Variants in GRB14 observed in about 807,000 individuals in gnomAD.
GRB14 encodes growth factor receptor bound protein 14, also known as growth factor receptor-bound protein 14.
GRB14 carries 38 observed loss-of-function variants against 69.1 expected under a neutral mutation model. That is an observed-to-expected ratio of 0.55 (90% CI 0.42 to 0.72). The LOEUF is 0.72. Among genes scored for constraint, GRB14 ranks in the 30% least tolerant of loss-of-function variants. GRB14 has a pLI of 0.00. For missense variants in GRB14, 666 were observed against 666.1 expected (o/e 1.00, Z 0.00); for synonymous variants, 247 against 241.3 (o/e 1.02, Z -0.22).
chr2:164,577,815 C>T (rs1271804868), intron 2 of GRB14, among the ~76,000 whole-genome samples: 2 of 152,028 alleles, frequency 1.3e-5, no homozygotes, highest in Non-Finnish European at 2.9e-5. Flanking sequence ...TAACTATACC[C>T]GAGTAAACAA....
intron 3 of GRB14, among the ~76,000 whole-genome samples, chr2:164,544,556 T>C (rs1025164211): frequency 6.6e-6 from 1 of 152,238 alleles, no homozygotes; most frequent in Non-Finnish European, 1.5e-5. Context: ...TTAATTATCA[T>C]GTATAGAAGT....
At chr2:164,529,610 A>G (rs1240809631) in intron 3 of GRB14, among the ~76,000 whole-genome samples, 2 of 152,168 alleles carry the variant, frequency 1.3e-5, no homozygotes, top group Non-Finnish European at 2.9e-5. Flanking sequence ...ATTCTCAGAT[A>G]GCAGGGATTC....
chr2:164,519,351 A>G (rs1687575774), intron 6 of GRB14, among the ~76,000 whole-genome samples: 1 of 152,190 alleles, frequency 6.6e-6, no homozygotes. Context: ...GCATAGAAGG[A>G]CATACCTTAA....
intron 2 of GRB14, among the ~76,000 whole-genome samples, chr2:164,574,524 C>A (rs1035565242): frequency 2.6e-5 from 4 of 152,064 alleles, no homozygotes; most frequent in Non-Finnish European, 5.9e-5. Flanking sequence ...ATGTGAGCCA[C>A]CATGCCCAGC....
chr2:164,572,917 C>A (rs75806499), intron 2 of GRB14, among the ~76,000 whole-genome samples: 6,913 of 152,238 alleles, frequency 0.045, 525 homozygotes, highest in African/African-American at 0.15. Context: ...TTGCACTGTC[C>A]TTTCATCTTT....
Position 164,610,875 on chromosome 2 carries a change from A to T in GRB14, c.324+8812T>A, listed in dbSNP as rs558189574. Among the ~76,000 whole-genome samples the T allele has an allele frequency of 5.3e-3, 723 of 135,580 alleles. 3 individuals are homozygous for T. The highest frequency in any genetic ancestry group is 0.018 in the African/African-American group (650 of 36,510). 88.9% of individuals were successfully genotyped at this position (135,580 alleles called of 152,430 possible). ...AGAAATGTGATGGGAAAAAAAAATT[A>T]AAAAAAAAAAAAAAACAGGCTACAT... On this transcript the variant is annotated intron_variant, in intron 2 of 13. Transcript: ENST00000263915.
intron 12 of GRB14, among the ~76,000 whole-genome samples, chr2:164,494,978 G>T (rs987501739): frequency 6.6e-6 from 1 of 151,846 alleles, no homozygotes; most frequent in African/African-American, 2.4e-5. Flanking sequence ...TTGAAACAGG[G>T]TCTCGCTCTG....
At chr2:164,561,362 C>T (rs987391233) in intron 2 of GRB14, among the ~76,000 whole-genome samples, 2 of 152,214 alleles carry the variant, frequency 1.3e-5, no homozygotes, top group South Asian at 4.1e-4. Context: ...ATTTTGAAAG[C>T]AAAATAAGGC....
At chr2:164,576,435 A>G (rs554928326) in intron 2 of GRB14, among the ~76,000 whole-genome samples, 70 of 152,112 alleles carry the variant, frequency 4.6e-4, no homozygotes, top group African/African-American at 1.7e-3. Context: ...CACATTGGAC[A>G]TCAAAGATAA....
chr2:164,579,503 A>ACGCG (rs1559059737), intron 2 of GRB14, among the ~76,000 whole-genome samples: 4 of 25,748 alleles, frequency 1.6e-4, no homozygotes, highest in African/African-American at 6.6e-4. Flanking sequence ...GCACACTTGC[A>ACGCG]CACACACACA....
At chr2:164,527,307 G>C (rs1378935347) in intron 3 of GRB14, among the ~76,000 whole-genome samples, 172 bp from the exon 4 acceptor site, 1 of 149,602 alleles carries the variant, frequency 6.7e-6, no homozygotes, top group Non-Finnish European at 1.5e-5. Flanking sequence ...GAGATAGCCA[G>C]ATTGATAAAA....
intron 2 of GRB14, among the ~76,000 whole-genome samples, chr2:164,580,287 T>C (rs1182829104): frequency 6.6e-6 from 1 of 151,896 alleles, no homozygotes; most frequent in Non-Finnish European, 1.5e-5. Context: ...GAGACGGGGT[T>C]TTGCCATGTT....
At chr2:164,570,595 A>C (rs183943208) in intron 2 of GRB14, among the ~76,000 whole-genome samples, 1 of 152,222 alleles carries the variant, frequency 6.6e-6, no homozygotes, top group Non-Finnish European at 1.5e-5. Flanking sequence ...GCAGGCTGCA[A>C]GAAGGAAACG....
In GRB14 at chr2:164,604,726, T is replaced by C. The variant is rs1690004527; in HGVS notation, c.324+14961A>G. Among the ~76,000 whole-genome samples the C allele has an allele frequency of 2.0e-5, 3 of 152,032 alleles. No homozygotes were observed. The South Asian group carries it at 6.2e-4, about 32-fold the overall frequency. On this transcript the variant is annotated intron_variant, in intron 2 of 13. Coordinates refer to ENST00000263915, the MANE Select transcript of GRB14 (RefSeq NM_004490.3). ...ATTACATTCAACAACATGGATAAAC[T>C]TCCAAAACAGGCTGAGTGAAAGAAA...
At chr2:164,507,347 A>C (rs1363672011) in intron 8 of GRB14, among the ~76,000 whole-genome samples, 4 of 152,170 alleles carry the variant, frequency 2.6e-5, no homozygotes, top group Admixed American at 6.5e-5. Context: ...GGGTAAATGA[A>C]ATGGGGGAAC....
At chr2:164,563,288 T>C (rs940602560) in intron 2 of GRB14, among the ~76,000 whole-genome samples, 2 of 152,210 alleles carry the variant, frequency 1.3e-5, no homozygotes, top group African/African-American at 4.8e-5. Flanking sequence ...ATTTACTAAA[T>C]GTCTAATATG....
At chr2:164,581,994 C>A (rs1183648366) in intron 2 of GRB14, among the ~76,000 whole-genome samples, 5 of 152,210 alleles carry the variant, frequency 3.3e-5, no homozygotes, top group Non-Finnish European at 7.3e-5. Flanking sequence ...TCTCTGTTGA[C>A]TCTCTTTTGT....
chr2:164,573,651 T>A lies in GRB14; in HGVS notation c.325-25835A>T, dbSNP rs1003109490. On this transcript the variant is annotated intron_variant, in intron 2 of 13. Coordinates refer to ENST00000263915, the MANE Select transcript of GRB14 (RefSeq NM_004490.3). ...TTAATAGTTTTTTTTTCATCTTTTC[T>A]TTATGGTTCTTCAGTAGAAGCCAGA... The A allele has an allele frequency of 2.6e-6, 4 of 1,559,306 alleles. No individual in the cohort carries two copies. In the East Asian group the frequency reaches 9.0e-5, roughly 35 times the overall value.
intron 13 of GRB14, among the ~76,000 whole-genome samples, chr2:164,493,782 C>T (rs190055344): frequency 3.4e-5 from 5 of 149,124 alleles, no homozygotes; most frequent in East Asian, 3.9e-4. Flanking sequence ...TTCAAAAGGA[C>T]GCACTAGTAA....
Sources: gnomAD v4.1 joint callset for allele counts (sites outside exome capture counted in the v4.1 genomes callset) on GRCh38, gnomAD v4.1.1 for gene constraint, MANE v1.5 for transcripts, NCBI Gene and HGNC (gene_info 2026-07-23, HGNC 2026-07-21) for gene names.